Variants in METTL4 observed in about 807,000 individuals in gnomAD.
METTL4 encodes the protein methyltransferase 4, N6-adenosine.
A neutral mutation model predicts 54.0 loss-of-function variants in METTL4; 40 were observed. That is an observed-to-expected ratio of 0.74 (90% CI 0.58 to 0.96). The LOEUF is 0.96. Ranked by LOEUF, METTL4 falls within the 50% of genes least tolerant of loss-of-function variation. The pLI is 0.00. For synonymous variants in METTL4, 169 were observed against 183.8 expected (o/e 0.92, Z 0.65); for missense variants, 525 against 549.0 (o/e 0.96, Z 0.44).
intron 2 of METTL4, among the ~76,000 whole-genome samples, chr18:2,564,298 C>T (rs2072369886): frequency 6.6e-6 from 1 of 151,290 alleles, no homozygotes; most frequent in South Asian, 2.1e-4. Context: ...GTAGTCCCAG[C>T]TACTTGGGAG....
chr18:2,569,449 T>A (rs932700415), intron 1 of METTL4, among the ~76,000 whole-genome samples: 1 of 152,196 alleles, frequency 6.6e-6, no homozygotes, highest in Non-Finnish European at 1.5e-5. Context: ...TCTCCTTACA[T>A]GGCCTGGAGT....
intron 2 of METTL4, among the ~76,000 whole-genome samples, chr18:2,565,865 G>C (rs1049320275): frequency 6.6e-6 from 1 of 152,042 alleles, no homozygotes; most frequent in Admixed American, 6.6e-5. Flanking sequence ...GCTTAACACA[G>C]TGAAGCCCCG....
intron 3 of METTL4, among the ~76,000 whole-genome samples, chr18:2,558,872 G>A (rs1881193437): frequency 1.3e-5 from 2 of 152,068 alleles, no homozygotes; most frequent in South Asian, 4.1e-4. Context: ...CACATAAAAA[G>A]ATGCTCAACA....
intron 3 of METTL4, among the ~76,000 whole-genome samples, chr18:2,556,535 GA>G (rs1431028433): frequency 4.6e-5 from 7 of 151,814 alleles, no homozygotes; most frequent in Non-Finnish European, 2.9e-5. Flanking sequence ...ATTATAAAAG[GA>G]AAAAATCACC....
chr18:2,549,973 G>A lies in METTL4; in HGVS notation c.900-2444C>T, dbSNP rs373126642. 5.3e-5 allele frequency among the ~76,000 whole-genome samples: 8 copies of A among 151,628 alleles called. No individual in the cohort carries two copies. In the East Asian group the frequency reaches 1.2e-3, roughly 22 times the overall value. On this transcript the variant is annotated intron_variant, in intron 5 of 8. Transcript: ENST00000574538. ...CATACCATTGCACTCCAGCCTGGGC[G>A]ACAACAGCGAAACTCTGTCTCAAAA... is the stretch of plus-strand genomic sequence containing the variant.
At chr18:2,541,799 A>C (rs958452396) in intron 8 of METTL4, among the ~76,000 whole-genome samples, 2 of 152,100 alleles carry the variant, frequency 1.3e-5, no homozygotes, top group East Asian at 3.8e-4. Flanking sequence ...ATTTCATTTT[A>C]TTAATTTGCA....
intron 3 of METTL4, among the ~76,000 whole-genome samples, chr18:2,558,673 A>G (rs930689520): frequency 6.6e-6 from 1 of 152,128 alleles, no homozygotes; most frequent in Admixed American, 6.5e-5. Flanking sequence ...CAGAGACAGT[A>G]AGGAAAATTA....
At position 2,537,989 on chromosome 18, in the gene METTL4, A is replaced by C. The variant is rs1382893406; in HGVS notation, c.*1011T>G. 1 of 398,376 alleles carries C rather than the reference A, an allele frequency of 2.5e-6. No individual in the cohort carries two copies. Among genetic ancestry groups the C allele is most frequent in the African/African-American group, 2.1e-5 (1 of 48,646 alleles). 24.7% of individuals were successfully genotyped at this position (398,376 alleles called of 1,614,324 possible). ...TGTTCTGTATCATGATCACTGTGGC[A>C]GACAGACAACTGTATATATGTTTTC... On this transcript the variant is annotated 3_prime_UTR_variant, in exon 9 of 9. Transcript: ENST00000574538.
intron 8 of METTL4, chr18:2,540,144 G>C (rs8096863): frequency 1.0e-6 from 1 of 985,124 alleles, no homozygotes; most frequent in Non-Finnish European, 1.2e-6. Context: ...GTAGGCTAAA[G>C]AGCTGTTGTC....
chr18:2,540,958 C>T, intron 8 of METTL4: 1 of 967,694 alleles, frequency 1.0e-6, no homozygotes. Flanking sequence ...ACAAAGGAAG[C>T]AGAATATCCA....
intron 5 of METTL4, among the ~76,000 whole-genome samples, chr18:2,549,896 A>T (rs928828366): frequency 2.0e-5 from 3 of 151,676 alleles, no homozygotes; most frequent in Non-Finnish European, 4.4e-5. Flanking sequence ...CAGGAGGCTA[A>T]GGCAGAAGAA....
Position 2,552,854 on chromosome 18 carries a change from C to T in METTL4, c.830-90G>A, listed in dbSNP as rs115981862. 113 of 781,630 alleles carry T rather than the reference C, an allele frequency of 1.4e-4. No homozygotes were observed. The African/African-American group carries it at 1.8e-3, about 12-fold the overall frequency. The allele number at this position is 781,630 out of a possible 1,614,324, so 48.4% of individuals were successfully genotyped here. On this transcript the variant is annotated intron_variant, in intron 4 of 8. Transcript: ENST00000574538. The stretch of plus-strand genomic sequence containing the variant: ...GTTCTTCAAAACTCAAGTGATTTCA[C>T]TACGGACACGAATATAATGGAATGC...
At position 2,563,828 on chromosome 18, in the gene METTL4, C is replaced by T; in HGVS notation, c.428G>A (p.Gly143Asp). 6 of 1,609,052 alleles carry T rather than the reference C, an allele frequency of 3.7e-6. No individual in the cohort carries two copies. The highest frequency in any genetic ancestry group is 5.1e-6 in the Non-Finnish European group (6 of 1,177,476). The change falls in exon 3 of 9, where the codon GGT becomes GAT. Residue 143 changes from glycine (G) to aspartate (D), a missense_variant. By Grantham distance (94) the Gly-to-Asp change is moderately conservative. Transcript: ENST00000574538. Reference sequence around the variant, plus strand: ...ATGGTATTCCATAGCATCCAATTCACCTTGATTGAAAACAACACATCTTTT... The same window carrying T: ...ATGGTATTCCATAGCATCCAATTCATCTTGATTGAAAACAACACATCTTTT... Reference protein sequence around the residue: ...KRKRCVVFNQGELDAMEYHTK... With the variant: ...KRKRCVVFNQDELDAMEYHTK...
chr18:2,563,950 T>A, intron 2 of METTL4, 91 bp from the exon 3 acceptor site: 1 of 682,410 alleles, frequency 1.5e-6, no homozygotes, highest in Non-Finnish European at 2.4e-6. Flanking sequence ...TATATCTGTC[T>A]AATAATAATT....
At chr18:2,569,069 A>T (rs939015688) in intron 1 of METTL4, 1 of 158,986 alleles carries the variant, frequency 6.3e-6, no homozygotes, top group African/African-American at 2.4e-5. Flanking sequence ...AATGACATCT[A>T]AAGAAAACAT....
intron 2 of METTL4, among the ~76,000 whole-genome samples, chr18:2,564,636 A>G: frequency 6.6e-6 from 1 of 152,228 alleles, no homozygotes; most frequent in East Asian, 1.9e-4. Context: ...CTGAAACTCC[A>G]GTGCTTACCT....
intron 3 of METTL4, among the ~76,000 whole-genome samples, chr18:2,562,506 A>G (rs1277293644): frequency 6.6e-6 from 1 of 152,254 alleles, no homozygotes; most frequent in African/African-American, 2.4e-5. Flanking sequence ...ATAATAGCCA[A>G]AATGTGGAAA....
chr18:2,560,006 T>C (rs749720772), intron 3 of METTL4, among the ~76,000 whole-genome samples: 1 of 152,198 alleles, frequency 6.6e-6, no homozygotes, highest in East Asian at 1.9e-4. Flanking sequence ...CCCATAGTGC[T>C]GTGATTACAG....
chr18:2,570,327 T>C (rs1429588566), intron 1 of METTL4, among the ~76,000 whole-genome samples: 1 of 152,228 alleles, frequency 6.6e-6, no homozygotes, highest in Non-Finnish European at 1.5e-5. Context: ...CTTGACTTCC[T>C]GGCAAATTGC....
Sources: allele counts gnomAD v4.1 joint callset (sites outside exome capture counted in the v4.1 genomes callset), GRCh38; gene constraint gnomAD v4.1.1; transcripts MANE v1.5; gene names NCBI Gene and HGNC (gene_info 2026-07-23, HGNC 2026-07-21).